FUT8: variants seen among roughly 807,000 people sequenced by gnomAD.
FUT8 encodes the protein fucosyltransferase 8.
FUT8 carries 29 observed loss-of-function variants against 71.3 expected under a neutral mutation model. The ratio of observed to expected loss-of-function variants is 0.41; its 90% CI spans 0.30 to 0.55. The LOEUF (loss-of-function observed/expected upper bound fraction) is 0.55. FUT8 is among the 20% of genes least tolerant of loss of function. The pLI, the probability that FUT8 is intolerant of heterozygous loss-of-function variation, is 0.34. For missense variants in FUT8, 544 were observed against 702.1 expected (o/e 0.77, Z 2.55); for synonymous variants, 254 against 239.3 (o/e 1.06, Z -0.57).
At chr14:65,361,568 A>C in the FUT8 span, among the ~76,000 whole-genome samples, 1 of 151,060 alleles carries the variant, frequency 6.6e-6, no homozygotes, top group Admixed American at 6.6e-5. Flanking sequence ...CTGGGGGATC[A>C]CCTGAGGTCA....
rs1885912670 is a variant in FUT8, at chr14:65,561,527, C to T, written c.-37C>T. On this transcript the variant is annotated 5_prime_UTR_variant, in exon 3 of 11. Coordinates refer to ENST00000673929, the MANE Select transcript of FUT8 (RefSeq NM_001371533.1). ...GTTACAATGTTTTCAATTCTTTGAG[C>T]TCCAGGACTCCAGGGAAGTGAGTTG... The T allele has an allele frequency of 1.9e-6, 3 of 1,594,306 alleles. No individual in the cohort carries two copies. The highest frequency in any genetic ancestry group is 2.6e-6 in the Non-Finnish European group (3 of 1,163,400).
At chr14:65,632,065 GCATATA>G (rs781186070) in intron 6 of FUT8, among the ~76,000 whole-genome samples, 23 of 152,224 alleles carry the variant, frequency 1.5e-4, no homozygotes, top group Non-Finnish European at 2.5e-4. Context: ...ATTCCACTCT[GCATATA>G]CATATACATA....
At chr14:65,576,647 G>A (rs1178477845) in intron 3 of FUT8, among the ~76,000 whole-genome samples, 1 of 142,674 alleles carries the variant, frequency 7.0e-6, no homozygotes, top group Non-Finnish European at 1.5e-5. Flanking sequence ...TCCTACTTCA[G>A]CCTCCCAAGT....
intron 2 of FUT8, among the ~76,000 whole-genome samples, chr14:65,477,784 C>G (rs991086953): frequency 1.3e-5 from 2 of 151,808 alleles, no homozygotes; most frequent in Admixed American, 6.6e-5. Context: ...AAGTTTGTCT[C>G]ATTTGGTGTC....
At chr14:65,454,172 G>A (rs1044799940) in intron 1 of FUT8, among the ~76,000 whole-genome samples, 2 of 152,212 alleles carry the variant, frequency 1.3e-5, no homozygotes, top group African/African-American at 4.8e-5. Flanking sequence ...GGATTATTGA[G>A]GAGTTTGGCA....
At chr14:65,617,288 T>C (rs947213164) in intron 5 of FUT8, 2 of 1,279,592 alleles carry the variant, frequency 1.6e-6, no homozygotes, top group Admixed American at 3.1e-5. Flanking sequence ...TAAAAATCTG[T>C]CTATTGGAAT....
At chr14:65,676,331 A>T (rs187767056) in intron 7 of FUT8, among the ~76,000 whole-genome samples, 3 of 152,320 alleles carry the variant, frequency 2.0e-5, no homozygotes, top group Admixed American at 2.0e-4. Context: ...TTTAGGACCT[A>T]TCCAAGGTTG....
intron 2 of FUT8, among the ~76,000 whole-genome samples, chr14:65,491,833 G>C (rs1037044049): frequency 2.0e-5 from 3 of 152,168 alleles, no homozygotes; most frequent in Non-Finnish European, 4.4e-5. Context: ...ATATAGGGAG[G>C]CTATAGATTT....
At chr14:65,416,359 T>C (rs1038418894) in intron 1 of FUT8, among the ~76,000 whole-genome samples, 1 of 152,064 alleles carries the variant, frequency 6.6e-6, no homozygotes, top group African/African-American at 2.4e-5. Context: ...TGCTGTTTTG[T>C]CCAGGTTGGC....
chr14:65,629,240 A>G (rs1277358158), intron 5 of FUT8, among the ~76,000 whole-genome samples: 1 of 152,228 alleles, frequency 6.6e-6, no homozygotes, highest in East Asian at 1.9e-4. Context: ...GTGTTGAGAA[A>G]CAAGTGCAGC....
intron 7 of FUT8, among the ~76,000 whole-genome samples, chr14:65,692,117 T>A (rs866300463): frequency 1.3e-5 from 2 of 151,876 alleles, no homozygotes; most frequent in Non-Finnish European, 2.9e-5. Context: ...AGCTGTTGGG[T>A]ACACCTCCCA....
At chr14:65,678,918 T>G (rs1056266718) in intron 7 of FUT8, among the ~76,000 whole-genome samples, 6 of 152,182 alleles carry the variant, frequency 3.9e-5, no homozygotes, top group African/African-American at 1.2e-4. Flanking sequence ...CAGCAGAGAT[T>G]ATGTAAGCAA....
chr14:65,679,034 T>C (rs1335912893), intron 7 of FUT8, among the ~76,000 whole-genome samples: 1 of 152,202 alleles, frequency 6.6e-6, no homozygotes, highest in Non-Finnish European at 1.5e-5. Context: ...AGGTTCTGGC[T>C]AGGAATGAAC....
chr14:65,692,716 G>A (rs1208117269), intron 7 of FUT8, among the ~76,000 whole-genome samples: 2 of 151,056 alleles, frequency 1.3e-5, no homozygotes, highest in African/African-American at 2.4e-5. Context: ...CAGACGGGGC[G>A]GCTGCCGGGC....
intron 6 of FUT8, among the ~76,000 whole-genome samples, chr14:65,631,049 C>G (rs1890156189): frequency 6.6e-6 from 1 of 152,176 alleles, no homozygotes; most frequent in South Asian, 2.1e-4. Flanking sequence ...AAAAACCAAA[C>G]TGATCTTGGC....
rs140703575 is a variant in FUT8 at position 65,703,563 on chromosome 14, G to A, written c.836-18212G>A. 3.4e-4 allele frequency among the ~76,000 whole-genome samples: 52 copies of A among 152,318 alleles called. 1 individual carries two copies. The East Asian group carries it at 6.2e-3, about 18-fold the overall frequency. On this transcript the variant is annotated intron_variant, in intron 7 of 10. Coordinates refer to ENST00000673929, the MANE Select transcript of FUT8 (RefSeq NM_001371533.1). Reference sequence around the variant, plus strand: ...AGGGAGAGTGGAGTGACCTATGTCAGATCATCAGTAGCAGTGACAGTAGCA... The same window carrying A: ...AGGGAGAGTGGAGTGACCTATGTCAAATCATCAGTAGCAGTGACAGTAGCA...
At chr14:65,453,951 T>A (rs2139551886) in intron 1 of FUT8, among the ~76,000 whole-genome samples, 1 of 152,290 alleles carries the variant, frequency 6.6e-6, no homozygotes, top group South Asian at 2.1e-4. Flanking sequence ...GGCAATGGTG[T>A]CTAGAACATG....
chr14:65,632,992 T>TCC (rs1594839583), intron 6 of FUT8, among the ~76,000 whole-genome samples: 9 of 124,452 alleles, frequency 7.2e-5, no homozygotes, highest in African/African-American at 2.9e-4. Flanking sequence ...CTCTCCCCTC[T>TCC]CCCCTCTCCC....
chr14:65,692,072 A>G (rs200087693), intron 7 of FUT8, among the ~76,000 whole-genome samples: 19,704 of 151,526 alleles, frequency 0.13, 1,524 homozygotes, highest in East Asian at 0.37. Context: ...TCTATTCCAC[A>G]AAACCGCCAT....
Sources: allele counts gnomAD v4.1 joint callset (sites outside exome capture counted in the v4.1 genomes callset), GRCh38; gene constraint gnomAD v4.1.1; transcripts MANE v1.5; gene names NCBI Gene and HGNC (gene_info 2026-07-23, HGNC 2026-07-21).